The following TRA2B variants were observed in gnomAD, a reference collection of about 807,000 sequenced individuals.
TRA2B encodes the protein transformer 2 beta homolog.
Under a neutral mutation model 41.7 loss-of-function variants are expected in TRA2B, and 14 were observed. The observed-to-expected ratio is 0.34, with a 90% CI of 0.22 to 0.53. The LOEUF is 0.53. Among genes scored for constraint, TRA2B ranks in the 20% least tolerant of loss-of-function variants. TRA2B has a pLI of 0.95. For missense variants in TRA2B, 167 were observed against 396.8 expected (o/e 0.42, Z 4.92); for synonymous variants, 130 against 128.8 (o/e 1.01, Z -0.06).
intron 1 of TRA2B, chr3:185,936,840 C>T: frequency 1.0e-6 from 1 of 985,370 alleles, no homozygotes; most frequent in African/African-American, 1.7e-5. Flanking sequence ...CCCCACAGAC[C>T]AGCTACGTAT....
Position 185,925,776 on chromosome 3 carries a change from T to C in TRA2B, c.171-150A>G, listed in dbSNP as rs1051663330. 3.5e-5 allele frequency: 28 copies of C among 807,748 alleles called. No individual in the cohort carries two copies. The African/African-American group carries it at 3.9e-4, about 11-fold the overall frequency. 50.0% of individuals were successfully genotyped at this position (807,748 alleles called of 1,614,324 possible). Reference sequence around the variant, plus strand: ...TAGTAGGATCAATACTTTTCTTCTCTAATTATTTAGTCATTTCAACTTTGC... The same window carrying C: ...TAGTAGGATCAATACTTTTCTTCTCCAATTATTTAGTCATTTCAACTTTGC... On this transcript the variant is annotated intron_variant, in intron 2 of 8. Coordinates refer to ENST00000453386, the MANE Select transcript of TRA2B (RefSeq NM_004593.3).
In TRA2B at chr3:185,917,589, C is replaced by T. The variant is rs1415850343; in HGVS notation, c.*126G>A. ...TTTCAACTCCACCAAAAGTAGTCAT[C>T]GTAAAAGGTGTAAAAGTCACCTAAC... On this transcript the variant is annotated 3_prime_UTR_variant, in exon 9 of 9. Transcript: ENST00000453386. 2.4e-5 allele frequency: 22 copies of T among 905,198 alleles called. No homozygotes were observed. Among genetic ancestry groups the T allele is most frequent in the African/African-American group, 1.7e-4 (10 of 58,562 alleles). 56.1% of individuals were successfully genotyped at this position (905,198 alleles called of 1,614,324 possible).
chr3:185,937,492 G>A (rs1205240958), intron 1 of TRA2B: 18 of 1,075,458 alleles, frequency 1.7e-5, no homozygotes, highest in Non-Finnish European at 1.9e-5. Flanking sequence ...CTTCGCAGGA[G>A]AGCAACGCCG....
intron 1 of TRA2B, chr3:185,937,103 A>G (rs761971730): frequency 1.2e-4 from 115 of 985,356 alleles, no homozygotes; most frequent in Non-Finnish European, 1.3e-4. Flanking sequence ...CTAATAGAAT[A>G]CTGATACAGA....
chr3:185,925,199 T>C, intron 3 of TRA2B: 1 of 336,618 alleles, frequency 3.0e-6, no homozygotes, highest in Middle Eastern at 8.8e-4. Flanking sequence ...TATACTACAG[T>C]ATAGTAATGC....
intron 1 of TRA2B, chr3:185,936,941 CTG>C (rs1744384107): frequency 3.0e-6 from 3 of 985,430 alleles, no homozygotes; most frequent in Non-Finnish European, 3.6e-6. Flanking sequence ...GGAAAGAAAA[CTG>C]TAGCCAACAC....
At position 185,915,045 on chromosome 3, in the gene TRA2B, T is replaced by C. The variant is rs1198547731; in HGVS notation, c.*2670A>G. 2.6e-5 allele frequency among the ~76,000 whole-genome samples: 4 copies of C among 152,180 alleles called. No homozygotes were observed. The highest frequency in any genetic ancestry group is 5.9e-5 in the Non-Finnish European group (4 of 68,034). ...GTAGTTAGATTTCCATAAGGAAATG[T>C]GCAAGCTAGATCCCTCTCAAGCGCA... On this transcript the variant is annotated 3_prime_UTR_variant, in exon 9 of 9. Coordinates refer to ENST00000453386, the MANE Select transcript of TRA2B (RefSeq NM_004593.3).
chr3:185,926,548 CACCAAT>C, intron 2 of TRA2B, 47 bp downstream of exon 2: 1 of 1,605,922 alleles, frequency 6.2e-7, no homozygotes, highest in South Asian at 1.1e-5. Context: ...ACAAAACACG[CACCAAT>C]TTCAGAGCTA....
chr3:185,924,181 GA>G lies in TRA2B; in HGVS notation c.334-198del, dbSNP rs889898766. ...GGAATGGGTAGGAAAGAATGCAAAA[GA>G]AAAAATTTCAACCTTAGAATTAAGT... On this transcript the variant is annotated intron_variant, in intron 3 of 8. Transcript: ENST00000453386. The G allele has an allele frequency of 4.4e-5, 19 of 432,856 alleles. No homozygotes were observed. In the Admixed American group the frequency reaches 6.0e-4, roughly 14 times the overall value. The allele number at this position is 432,856 out of a possible 1,614,324, so 26.8% of individuals were successfully genotyped here.
rs543347611 is a variant in TRA2B, at chr3:185,932,003, A to T, written c.37-5269T>A. Among the ~76,000 whole-genome samples the T allele has an allele frequency of 8.3e-4, 127 of 152,150 alleles. 1 individual carries two copies. Among genetic ancestry groups the T allele is most frequent in the African/African-American group, 2.9e-3 (120 of 41,524 alleles). The stretch of plus-strand genomic sequence containing the variant: ...AGAATATGCAGCTCAAAAAACTGAA[A>T]ACTACATAGTTTTCTGCTGGTTCTA... On this transcript the variant is annotated intron_variant, in intron 1 of 8. Transcript: ENST00000453386.
chr3:185,925,366 G>A (rs935170782), intron 3 of TRA2B, 98 bp downstream of exon 3: 17 of 1,386,910 alleles, frequency 1.2e-5, no homozygotes, highest in East Asian at 2.4e-5. Flanking sequence ...TTTCACTCAC[G>A]CACCAACTGC....
intron 5 of TRA2B, 68 bp downstream of exon 5, chr3:185,921,943 C>T (rs1201620729): frequency 2.6e-5 from 31 of 1,185,272 alleles, no homozygotes; most frequent in Non-Finnish European, 3.4e-5. Flanking sequence ...GAAGACTTTC[C>T]ACTAATACAA....
At chr3:185,932,076 T>A (rs1277642643) in intron 1 of TRA2B, among the ~76,000 whole-genome samples, 2 of 152,218 alleles carry the variant, frequency 1.3e-5, no homozygotes, top group African/African-American at 4.8e-5. Context: ...CTTATCATGC[T>A]TAAGTTGAAT....
chr3:185,916,945 A>G lies in TRA2B; in HGVS notation c.*770T>C, dbSNP rs1743523155. On this transcript the variant is annotated 3_prime_UTR_variant, in exon 9 of 9. Coordinates refer to ENST00000453386, the MANE Select transcript of TRA2B (RefSeq NM_004593.3). ...TTTTTCATATAGTCTAAAAGCTAGA[A>G]GAACAAGAGTGTATTTGTGGTGGAA... The G allele has an allele frequency of 6.6e-6, 1 of 152,668 alleles. No homozygotes were observed. The allele number at this position is 152,668 out of a possible 1,614,324, so 9.5% of individuals were successfully genotyped here. A position where few individuals can be genotyped will look rare whatever the true frequency, so the allele number is the denominator to read the frequency against.
intron 1 of TRA2B, 184 bp from the exon 2 acceptor site, chr3:185,926,918 T>C (rs1238149058): frequency 1.5e-6 from 1 of 676,598 alleles, no homozygotes; most frequent in Non-Finnish European, 2.3e-6. Context: ...CATAAGTCAA[T>C]TAACTTGTCC....
At chr3:185,921,251 C>G (rs1013091861) in intron 5 of TRA2B, 64 bp from the exon 6 acceptor site, 8 of 1,369,624 alleles carry the variant, frequency 5.8e-6, no homozygotes, top group Non-Finnish European at 8.3e-6. Context: ...TTTATATCTA[C>G]TAGTAGGCCT....
At chr3:185,925,365 C>T (rs1338714306) in intron 3 of TRA2B, 99 bp downstream of exon 3, 26 of 1,388,772 alleles carry the variant, frequency 1.9e-5, no homozygotes, top group South Asian at 1.4e-4. Flanking sequence ...ATTTCACTCA[C>T]GCACCAACTG....
At position 185,937,954 on chromosome 3, in the gene TRA2B, A is replaced by G. The variant is rs973147090; in HGVS notation, c.-94T>C. ...GGAGGCTCCGCCGCAGCCCCGCACG[A>G]CGCGCCGGTCGCCCAGCCGCTCAGA... is the stretch of plus-strand genomic sequence containing the variant. On this transcript the variant is annotated 5_prime_UTR_variant, in exon 1 of 9. Coordinates refer to ENST00000453386, the MANE Select transcript of TRA2B (RefSeq NM_004593.3). 8.0e-6 allele frequency: 12 copies of G among 1,504,926 alleles called. No individual in the cohort carries two copies. Among genetic ancestry groups the G allele is most frequent in the Non-Finnish European group, 1.0e-5 (11 of 1,098,602 alleles). The allele number at this position is 1,504,926 out of a possible 1,614,324, so 93.2% of individuals were successfully genotyped here. A position where few individuals can be genotyped will look rare whatever the true frequency, so the allele number is the denominator to read the frequency against.
chr3:185,919,232 C>T (rs1363500202), intron 7 of TRA2B, among the ~76,000 whole-genome samples: 1 of 152,160 alleles, frequency 6.6e-6, no homozygotes, highest in Non-Finnish European at 1.5e-5. Context: ...AAAATGGTAT[C>T]ACTAAATAAT....
Sources: allele counts gnomAD v4.1 joint callset (sites outside exome capture counted in the v4.1 genomes callset), GRCh38; gene constraint gnomAD v4.1.1; transcripts MANE v1.5; gene names NCBI Gene and HGNC (gene_info 2026-07-23, HGNC 2026-07-21).